The following PTPRM variants were observed in gnomAD, a reference collection of about 807,000 sequenced individuals.
PTPRM encodes receptor-type tyrosine-protein phosphatase mu.
A neutral mutation model predicts 186.7 loss-of-function variants in PTPRM; 47 were observed. The observed-to-expected ratio is 0.25, with a 90% CI of 0.20 to 0.32. The LOEUF (loss-of-function observed/expected upper bound fraction) is 0.32. Ranked by LOEUF, PTPRM falls within the 10% of genes least tolerant of loss-of-function variation. The pLI, the probability that PTPRM is intolerant of heterozygous loss-of-function variation, is 1.00. For synonymous variants in PTPRM, 668 were observed against 674.9 expected, an observed-to-expected ratio of 0.99 and a Z score of 0.16; for missense variants, 1,494 against 1,865.0, an observed-to-expected ratio of 0.80 and a Z score of 3.66.
At chr18:8,381,749 T>C (rs1598521595) in intron 29 of PTPRM, among the ~76,000 whole-genome samples, 1 of 152,338 alleles carries the variant, frequency 6.6e-6, no homozygotes, top group East Asian at 1.9e-4. Context: ...CCTGATTTTC[T>C]CACTTACAGT....
chr18:7,878,444 C>T (rs534447089), intron 2 of PTPRM, among the ~76,000 whole-genome samples: 1 of 152,288 alleles, frequency 6.6e-6, no homozygotes, highest in African/African-American at 2.4e-5. Context: ...GCTAATGAAA[C>T]ATCCTTTGGC....
chr18:7,846,947 A>G (rs911040585), intron 2 of PTPRM, among the ~76,000 whole-genome samples: 1 of 151,384 alleles, frequency 6.6e-6, no homozygotes, highest in Admixed American at 6.6e-5. Flanking sequence ...CCTTTATTTG[A>G]TTTCTCTCCC....
chr18:7,864,779 C>T (rs145910761), intron 2 of PTPRM, among the ~76,000 whole-genome samples: 1 of 151,916 alleles, frequency 6.6e-6, no homozygotes, highest in Admixed American at 6.6e-5. Context: ...TCTATAAATT[C>T]CTTTGGGCAG....
At chr18:7,858,399 A>G (rs1484890665) in intron 2 of PTPRM, among the ~76,000 whole-genome samples, 1 of 152,108 alleles carries the variant, frequency 6.6e-6, no homozygotes, top group Non-Finnish European at 1.5e-5. Flanking sequence ...TCTTATTAAA[A>G]AAAAAATTAA....
intron 23 of PTPRM, among the ~76,000 whole-genome samples, chr18:8,349,165 A>G (rs1019295302): frequency 6.6e-6 from 1 of 152,246 alleles, no homozygotes; most frequent in Non-Finnish European, 1.5e-5. Context: ...AGAAAAAAAC[A>G]TCTTCTTTTG....
chr18:7,896,336 A>G (rs1350987778), intron 3 of PTPRM, among the ~76,000 whole-genome samples: 1 of 152,162 alleles, frequency 6.6e-6, no homozygotes, highest in Non-Finnish European at 1.5e-5. Context: ...CTACACCCTG[A>G]GGCAAAGGAG....
intron 19 of PTPRM, among the ~76,000 whole-genome samples, chr18:8,257,568 T>A (rs2094585936): frequency 6.6e-6 from 1 of 152,188 alleles, no homozygotes; most frequent in African/African-American, 2.4e-5. Context: ...CTTTAAAAGT[T>A]CCTGTTGTTC....
chr18:7,650,355 A>G (rs915196468), intron 1 of PTPRM, among the ~76,000 whole-genome samples: 4 of 151,916 alleles, frequency 2.6e-5, no homozygotes, highest in Non-Finnish European at 5.9e-5. Flanking sequence ...GTCTGAAGCC[A>G]ATGATCATTT....
chr18:8,206,470 G>A (rs111356311), intron 14 of PTPRM, among the ~76,000 whole-genome samples: 5,141 of 151,918 alleles, frequency 0.034, 294 homozygotes, highest in African/African-American at 0.12. Flanking sequence ...GAATGGTCTC[G>A]ATCTCCTGAC....
intron 13 of PTPRM, among the ~76,000 whole-genome samples, chr18:8,124,916 T>C (rs1284774705): frequency 6.6e-6 from 1 of 152,194 alleles, no homozygotes; most frequent in Non-Finnish European, 1.5e-5. Context: ...ATACTTGCAC[T>C]GGGAAGCTTT....
At chr18:7,833,902 G>T (rs559786383) in intron 2 of PTPRM, among the ~76,000 whole-genome samples, 1 of 152,268 alleles carries the variant, frequency 6.6e-6, no homozygotes, top group South Asian at 2.1e-4. Flanking sequence ...TCTATCATCT[G>T]CAGAAGGATA....
intron 1 of PTPRM, among the ~76,000 whole-genome samples, chr18:7,772,584 A>AG (rs904598828): frequency 2.7e-4 from 41 of 151,122 alleles, no homozygotes; most frequent in Admixed American, 1.8e-3. Flanking sequence ...GCCCTTTTTA[A>AG]GGGGGGATGT....
chr18:8,338,019 TG>T (rs2095450269), intron 22 of PTPRM, among the ~76,000 whole-genome samples: 1 of 152,092 alleles, frequency 6.6e-6, no homozygotes, highest in Non-Finnish European at 1.5e-5. Context: ...CATGTGGGTT[TG>T]GGGTGTTGTA....
At chr18:7,687,531 G>T (rs929059162) in intron 1 of PTPRM, among the ~76,000 whole-genome samples, 28 of 152,148 alleles carry the variant, frequency 1.8e-4, no homozygotes, top group Admixed American at 3.3e-4. Context: ...TGCTACCATA[G>T]TTGCTTTAGG....
intron 15 of PTPRM, among the ~76,000 whole-genome samples, chr18:8,244,968 A>T (rs978793933): frequency 2.0e-5 from 3 of 152,200 alleles, no homozygotes; most frequent in Admixed American, 6.5e-5. Context: ...CTGCATAACC[A>T]GGATTCTGGT....
In PTPRM at chr18:7,824,958, A is replaced by G. The variant is rs374958384; in HGVS notation, c.196+50687A>G. Among the ~76,000 whole-genome samples the G allele has an allele frequency of 5.3e-5, 8 of 152,254 alleles. No individual in the cohort carries two copies. The East Asian group carries it at 9.7e-4, about 18-fold the overall frequency. On this transcript the variant is annotated intron_variant, in intron 2 of 32. Coordinates refer to ENST00000580170, the MANE Select transcript of PTPRM (RefSeq NM_001105244.2). ...ATTTTCCAGACTTAAGCTTCTCTTC[A>G]TGGATTTACACCAAATGCTTAAACA...
intron 2 of PTPRM, among the ~76,000 whole-genome samples, chr18:7,827,659 A>G (rs2045555257): frequency 6.6e-6 from 1 of 152,234 alleles, no homozygotes; most frequent in South Asian, 2.1e-4. Context: ...AGAAGCCAAA[A>G]TGGAATCAAA....
intron 2 of PTPRM, among the ~76,000 whole-genome samples, chr18:7,870,204 G>A (rs979868653): frequency 6.6e-6 from 1 of 152,162 alleles, no homozygotes; most frequent in Non-Finnish European, 1.5e-5. Context: ...TAACATGTTT[G>A]TGGTAAGTTA....
intron 7 of PTPRM, among the ~76,000 whole-genome samples, chr18:7,964,012 T>C (rs2053852389): frequency 6.6e-6 from 1 of 152,186 alleles, no homozygotes; most frequent in Non-Finnish European, 1.5e-5. Context: ...CCATCTTAAT[T>C]TCCCCCAAAT....
Sources: allele counts gnomAD v4.1 joint callset (sites outside exome capture counted in the v4.1 genomes callset), GRCh38; gene constraint gnomAD v4.1.1; transcripts MANE v1.5; gene names NCBI Gene and HGNC (gene_info 2026-07-23, HGNC 2026-07-21).